DPYD: variants seen among roughly 807,000 people sequenced by gnomAD.
DPYD encodes the protein dihydropyrimidine dehydrogenase.
A neutral mutation model predicts 116.2 loss-of-function variants in DPYD; 109 were observed. That is an observed-to-expected ratio of 0.94 (90% CI 0.80 to 1.10). DPYD has a LOEUF of 1.10. DPYD is among the 50% of genes least tolerant of loss of function. The probability of loss-of-function intolerance (pLI) is 0.00; values close to 1 mark genes in which losing one functional copy is unlikely to be tolerated. For synonymous variants in DPYD, 440 were observed against 432.0 expected, an observed-to-expected ratio of 1.02 and a Z score of -0.23; for missense variants, 1,302 against 1,254.5, an observed-to-expected ratio of 1.04 and a Z score of -0.57.
chr1:97,643,501 T>C (rs1658056321), intron 8 of DPYD, among the ~76,000 whole-genome samples: 1 of 152,170 alleles, frequency 6.6e-6, no homozygotes, highest in African/African-American at 2.4e-5. Context: ...TGTAAATTAG[T>C]TCAACCATTG....
chr1:97,468,252 T>C (rs1286658583), intron 13 of DPYD, among the ~76,000 whole-genome samples: 1 of 152,222 alleles, frequency 6.6e-6, no homozygotes, highest in African/African-American at 2.4e-5. Context: ...TAACAAATCT[T>C]CTAATTTATT....
At chr1:97,376,477 AT>A (rs1671621143) in intron 15 of DPYD, among the ~76,000 whole-genome samples, 1 of 152,216 alleles carries the variant, frequency 6.6e-6, no homozygotes, top group African/African-American at 2.4e-5. Context: ...TGAAATGTGT[AT>A]CCAAGCCTCA....
At chr1:97,290,857 G>T (rs555946720) in intron 18 of DPYD, among the ~76,000 whole-genome samples, 1 of 152,114 alleles carries the variant, frequency 6.6e-6, no homozygotes. Flanking sequence ...AAACTAAAGA[G>T]CTTCTGCACA....
chr1:97,800,387 G>A (rs13376217), intron 3 of DPYD, among the ~76,000 whole-genome samples: 2 of 151,726 alleles, frequency 1.3e-5, no homozygotes, highest in Non-Finnish European at 2.9e-5. Context: ...AATATCCTAA[G>A]TCTAGATGAA....
At chr1:97,350,772 T>C (rs1033937639) in intron 16 of DPYD, among the ~76,000 whole-genome samples, 12 of 152,188 alleles carry the variant, frequency 7.9e-5, no homozygotes, top group African/African-American at 2.9e-4. Context: ...CAAGTGTTTA[T>C]GTTATAACTG....
chr1:97,700,920 T>A (rs1661563729), intron 5 of DPYD, among the ~76,000 whole-genome samples: 1 of 151,134 alleles, frequency 6.6e-6, no homozygotes, highest in Non-Finnish European at 1.5e-5. Context: ...GGGAGTGGGA[T>A]TTTAAAAACA....
chr1:97,683,655 A>C (rs1174027794), intron 7 of DPYD, among the ~76,000 whole-genome samples: 1 of 152,078 alleles, frequency 6.6e-6, no homozygotes, highest in Admixed American at 6.5e-5. Context: ...AAAGGTATAA[A>C]TAAACATCAG....
At chr1:97,611,367 G>T (rs753318677) in intron 8 of DPYD, among the ~76,000 whole-genome samples, 7 of 152,030 alleles carry the variant, frequency 4.6e-5, no homozygotes, top group Non-Finnish European at 1.0e-4. Context: ...GGAGCTATAA[G>T]ATGAGAGTTG....
chr1:97,503,602 G>A (rs1161936080), intron 13 of DPYD, among the ~76,000 whole-genome samples: 1 of 151,920 alleles, frequency 6.6e-6, no homozygotes, highest in Non-Finnish European at 1.5e-5. Flanking sequence ...TCTCCCCAAT[G>A]TATGGCTTGA....
At chr1:97,619,865 T>C (rs1055196950) in intron 8 of DPYD, among the ~76,000 whole-genome samples, 7 of 152,200 alleles carry the variant, frequency 4.6e-5, no homozygotes, top group African/African-American at 1.7e-4. Context: ...CTATACTGTT[T>C]GACAGCTTTT....
chr1:97,446,895 C>A (rs1047028871), intron 14 of DPYD, among the ~76,000 whole-genome samples: 3 of 152,062 alleles, frequency 2.0e-5, no homozygotes, highest in South Asian at 2.1e-4. Flanking sequence ...AGCTCTTAGT[C>A]AGTAATAAAT....
chr1:97,094,658 T>G (rs1258318683), intron 21 of DPYD, among the ~76,000 whole-genome samples: 1 of 152,048 alleles, frequency 6.6e-6, no homozygotes, highest in Non-Finnish European at 1.5e-5. Context: ...GGTTCCTTGG[T>G]CAGACGATGC....
chr1:97,893,898 T>G (rs975115200), intron 1 of DPYD, among the ~76,000 whole-genome samples: 1 of 151,776 alleles, frequency 6.6e-6, no homozygotes, highest in Non-Finnish European at 1.5e-5. Context: ...TTATTGTCTT[T>G]CAGAAAAGAT....
intron 16 of DPYD, among the ~76,000 whole-genome samples, chr1:97,345,308 T>C (rs2101267941): frequency 6.6e-6 from 1 of 151,936 alleles, no homozygotes. Flanking sequence ...ATTCTGACAT[T>C]AGTGTTAAAG....
intron 20 of DPYD, among the ~76,000 whole-genome samples, chr1:97,148,248 GTGTGT>G (rs201943235): frequency 7.7e-5 from 10 of 130,566 alleles, no homozygotes; most frequent in African/African-American, 2.3e-4. Context: ...GTGTGTGTGT[GTGTGT>G]GGGGGGGGTG....
intron 15 of DPYD, among the ~76,000 whole-genome samples, chr1:97,375,748 C>A (rs895778909): frequency 1.3e-5 from 2 of 152,128 alleles, no homozygotes; most frequent in Non-Finnish European, 2.9e-5. Flanking sequence ...CCATGTCATG[C>A]GGTAATTACC....
intron 8 of DPYD, among the ~76,000 whole-genome samples, chr1:97,620,777 G>T: frequency 6.6e-6 from 1 of 151,874 alleles, no homozygotes; most frequent in African/African-American, 2.4e-5. Context: ...TCATACTTCT[G>T]CCCCTATCTA....
chr1:97,379,559 T>G (rs1473554792), intron 15 of DPYD, among the ~76,000 whole-genome samples: 1 of 152,042 alleles, frequency 6.6e-6, no homozygotes, highest in East Asian at 1.9e-4. Flanking sequence ...CAGATGAGAG[T>G]GGGTTGTGTC....
chr1:97,548,904 T>C (rs1287246344), intron 12 of DPYD, among the ~76,000 whole-genome samples: 1 of 152,118 alleles, frequency 6.6e-6, no homozygotes, highest in African/African-American at 2.4e-5. Context: ...GTATGTAAGA[T>C]TATAATTAAT....
Sources: allele counts gnomAD v4.1 joint callset (sites outside exome capture counted in the v4.1 genomes callset), GRCh38; gene constraint gnomAD v4.1.1; transcripts MANE v1.5; gene names NCBI Gene and HGNC (gene_info 2026-07-23, HGNC 2026-07-21).